The following CCDC175 variants were observed in gnomAD, a reference collection of about 807,000 sequenced individuals.
CCDC175 encodes coiled-coil domain-containing protein 175.
CCDC175 carries 100 observed loss-of-function variants against 114.6 expected under a neutral mutation model. The ratio of observed to expected loss-of-function variants is 0.87; its 90% CI spans 0.74 to 1.03. The LOEUF (loss-of-function observed/expected upper bound fraction) is 1.03, where lower values mean the gene tolerates loss of function less well. Ranked by LOEUF, CCDC175 falls within the 50% of genes least tolerant of loss-of-function variation. The pLI is 0.00. For synonymous variants in CCDC175, 306 were observed against 308.7 expected (o/e 0.99, Z 0.09); for missense variants, 880 against 917.8 (o/e 0.96, Z 0.53).
intron 7 of CCDC175, among the ~76,000 whole-genome samples, chr14:59,552,644 GGCCACAGAT>G (rs1376978984): frequency 6.6e-6 from 1 of 152,054 alleles, no homozygotes; most frequent in Non-Finnish European, 1.5e-5. Flanking sequence ...GAGAGAAGAA[GGCCACAGAT>G]GATCAAACTT....
At chr14:59,517,739 T>C (rs1196523196) in intron 17 of CCDC175, among the ~76,000 whole-genome samples, 3 of 152,146 alleles carry the variant, frequency 2.0e-5, no homozygotes, top group African/African-American at 4.8e-5. Context: ...AAAACAGCCA[T>C]ACTGCCCAAG....
chr14:59,574,903 T>A (rs541655462), intron 2 of CCDC175, 40 bp downstream of exon 2: 1 of 1,069,768 alleles, frequency 9.3e-7, no homozygotes, highest in Non-Finnish European at 1.4e-6. Flanking sequence ...AAGAAATATG[T>A]GGAAGATTGA....
intron 13 of CCDC175, among the ~76,000 whole-genome samples, chr14:59,534,251 C>T (rs1894263213): frequency 6.6e-6 from 1 of 152,130 alleles, no homozygotes; most frequent in Admixed American, 6.5e-5. Flanking sequence ...CAGTCAGGTT[C>T]ACACGGTCTT....
chr14:59,533,441 G>A (rs1476706970), intron 13 of CCDC175, among the ~76,000 whole-genome samples: 1 of 152,066 alleles, frequency 6.6e-6, no homozygotes, highest in African/African-American at 2.4e-5. Flanking sequence ...AAGGAAAGAG[G>A]GTTGTTAACC....
intron 8 of CCDC175, among the ~76,000 whole-genome samples, chr14:59,547,754 C>A (rs1306965067): frequency 2.0e-5 from 3 of 152,130 alleles, no homozygotes; most frequent in South Asian, 2.1e-4. Flanking sequence ...TCAATGGTAA[C>A]AGAAGAGAAT....
At chr14:59,576,000 G>A (rs957287515) in intron 1 of CCDC175, among the ~76,000 whole-genome samples, 6 of 152,120 alleles carry the variant, frequency 3.9e-5, no homozygotes, top group African/African-American at 9.7e-5. Flanking sequence ...TGGCCTAAAC[G>A]GTTTTTGCAC....
Position 59,574,794 on chromosome 14 carries a change from T to C in CCDC175, c.243+149A>G. 4 of 512,650 alleles carry C rather than the reference T, an allele frequency of 7.8e-6. No homozygotes were observed. In the South Asian group the frequency reaches 9.0e-5, roughly 12 times the overall value. 31.8% of individuals were successfully genotyped at this position (512,650 alleles called of 1,614,324 possible). A position where few individuals can be genotyped will look rare whatever the true frequency, so the allele number is the denominator to read the frequency against. ...GTTGATCAATAATTGTGCAAATCCTTACAAAATTGAGAGAAAAATATTTTT... is the reference window on the plus strand; with the variant it reads ...GTTGATCAATAATTGTGCAAATCCTCACAAAATTGAGAGAAAAATATTTTT... On this transcript the variant is annotated intron_variant, in intron 2 of 19. Transcript: ENST00000537690.
chr14:59,520,609 G>A (rs1410993478), intron 17 of CCDC175, among the ~76,000 whole-genome samples: 6 of 151,628 alleles, frequency 4.0e-5, no homozygotes, highest in South Asian at 4.2e-4. Flanking sequence ...AATGTCTTTC[G>A]ACTGGTGAAT....
chr14:59,573,890 C>T lies in CCDC175; in HGVS notation c.243+1053G>A, dbSNP rs1307313879. 2.6e-5 allele frequency among the ~76,000 whole-genome samples: 4 copies of T among 152,182 alleles called. No individual in the cohort carries two copies. In the East Asian group the frequency reaches 7.7e-4, roughly 29 times the overall value. On this transcript the variant is annotated intron_variant, in intron 2 of 19. Coordinates refer to ENST00000537690, the MANE Select transcript of CCDC175 (RefSeq NM_001164399.2). ...CTGGCCTCCCGGAGTGCTGGGATTA[C>T]AGGCGTGAGCCACCATACCCAGCCT... is the stretch of plus-strand genomic sequence containing the variant.
Position 59,540,698 on chromosome 14 carries a change from G to A in CCDC175, c.1332C>T (p.Asn444=). The change falls in exon 11 of 20, where the codon AAC becomes AAT. Residue 444 remains asparagine (N), a synonymous_variant. Coordinates refer to ENST00000537690, the MANE Select transcript of CCDC175 (RefSeq NM_001164399.2). Reference sequence around the variant, plus strand: ...ACCATCTCTGACTTTCTCTTTCCAGGTTAGCACTCAGGATTTTGATTTGTT... The same window carrying A: ...ACCATCTCTGACTTTCTCTTTCCAGATTAGCACTCAGGATTTTGATTTGTT... ...YQQQIKILSA[N]LERESQRCVI... The A allele has an allele frequency of 1.5e-6, 2 of 1,339,994 alleles. No individual in the cohort carries two copies. The highest frequency in any genetic ancestry group is 2.0e-6 in the Non-Finnish European group (2 of 1,006,594). The allele number at this position is 1,339,994 out of a possible 1,614,324, so 83.0% of individuals were successfully genotyped here. A position where few individuals can be genotyped will look rare whatever the true frequency, so the allele number is the denominator to read the frequency against.
intron 4 of CCDC175, among the ~76,000 whole-genome samples, chr14:59,565,780 C>T (rs1385033461): frequency 2.6e-5 from 4 of 152,146 alleles, no homozygotes; most frequent in Non-Finnish European, 4.4e-5. Context: ...ACTTTTACCA[C>T]TTTTGAATGT....
rs139174449 is a variant in CCDC175 at position 59,540,945 on chromosome 14, C to T, written c.1284-199G>A. 1.0e-3 allele frequency among the ~76,000 whole-genome samples: 154 copies of T among 152,180 alleles called. 1 individual carries two copies. The Middle Eastern group carries it at 0.01, about 10-fold the overall frequency. Reference sequence around the variant, plus strand: ...ATGTTAGTGCAAACTGATTCTGCAACGGTTGTGGTGAATAGCCAAGGATAG... The same window carrying T: ...ATGTTAGTGCAAACTGATTCTGCAATGGTTGTGGTGAATAGCCAAGGATAG... On this transcript the variant is annotated intron_variant, in intron 10 of 19. Transcript: ENST00000537690.
chr14:59,573,300 G>A (rs1227477223), intron 2 of CCDC175, among the ~76,000 whole-genome samples: 2 of 152,016 alleles, frequency 1.3e-5, no homozygotes, highest in Non-Finnish European at 2.9e-5. Flanking sequence ...CAGTTGGTGG[G>A]AAAAAATAGA....
chr14:59,527,693 GTACATA>G (rs141603244), intron 14 of CCDC175, among the ~76,000 whole-genome samples: 6,231 of 152,086 alleles, frequency 0.041, 156 homozygotes, highest in Non-Finnish European at 0.06. Context: ...AGTGTTTCAT[GTACATA>G]TAATTAATTC....
chr14:59,526,039 G>A (rs1893714649), intron 15 of CCDC175, among the ~76,000 whole-genome samples: 1 of 152,028 alleles, frequency 6.6e-6, no homozygotes, highest in African/African-American at 2.4e-5. Flanking sequence ...AATAGAGAAG[G>A]GGAAATGTAT....
At chr14:59,561,785 T>C (rs1193913107) in intron 6 of CCDC175, among the ~76,000 whole-genome samples, 1 of 152,226 alleles carries the variant, frequency 6.6e-6, no homozygotes, top group Non-Finnish European at 1.5e-5. Flanking sequence ...ACCGACATTT[T>C]TGCAATGCAA....
At chr14:59,576,420 G>T (rs1455347051) in intron 1 of CCDC175, among the ~76,000 whole-genome samples, 199 bp downstream of exon 1, 1 of 152,268 alleles carries the variant, frequency 6.6e-6, no homozygotes, top group Non-Finnish European at 1.5e-5. Context: ...CCTCAGCTGC[G>T]CTAGGGCAGG....
chr14:59,537,186 A>G (rs1026804773), intron 13 of CCDC175, among the ~76,000 whole-genome samples: 2 of 152,118 alleles, frequency 1.3e-5, no homozygotes, highest in African/African-American at 4.8e-5. Context: ...GTATTTTTGT[A>G]TGAAAAATGT....
intron 14 of CCDC175, among the ~76,000 whole-genome samples, chr14:59,528,552 C>T (rs1200727915): frequency 6.6e-6 from 1 of 152,056 alleles, no homozygotes; most frequent in African/African-American, 2.4e-5. Context: ...ATTCCCACAT[C>T]CCCCACCCAC....
Sources: allele counts gnomAD v4.1 joint callset (sites outside exome capture counted in the v4.1 genomes callset), GRCh38; gene constraint gnomAD v4.1.1; transcripts MANE v1.5; gene names NCBI Gene and HGNC (gene_info 2026-07-23, HGNC 2026-07-21).